The following TMED3 variants were observed in gnomAD, a reference collection of about 807,000 sequenced individuals.
TMED3 encodes the protein transmembrane p24 trafficking protein 3.
TMED3 carries 9 observed loss-of-function variants against 15.0 expected under a neutral mutation model. That is an observed-to-expected ratio of 0.60 (90% CI 0.36 to 1.04). The LOEUF (loss-of-function observed/expected upper bound fraction) is 1.04, where lower values mean the gene tolerates loss of function less well. Ranked by LOEUF, TMED3 falls within the 50% of genes least tolerant of loss-of-function variation. The pLI, the probability that TMED3 is intolerant of heterozygous loss-of-function variation, is 0.01. For synonymous variants in TMED3, 117 were observed against 121.4 expected, an observed-to-expected ratio of 0.96 and a Z score of 0.24; for missense variants, 267 against 278.9, an observed-to-expected ratio of 0.96 and a Z score of 0.30.
chr15:79,332,341 G>C (rs2058812416), intron 2 of TMED3, among the ~76,000 whole-genome samples: 1 of 152,254 alleles, frequency 6.6e-6, no homozygotes, highest in Non-Finnish European at 1.5e-5. Context: ...CTGTACAGCT[G>C]CTTCAAAACT....
chr15:79,378,293 G>C (rs1199173366), intron 2 of TMED3, among the ~76,000 whole-genome samples: 1 of 152,200 alleles, frequency 6.6e-6, no homozygotes, highest in Non-Finnish European at 1.5e-5. Flanking sequence ...AGGGATGGCT[G>C]TTTAAACAAA....
chr15:79,383,017 G>T (rs1483028002), intron 2 of TMED3: 1 of 1,535,464 alleles, frequency 6.5e-7, no homozygotes, highest in South Asian at 1.2e-5. Context: ...GTTCCAGTGT[G>T]ATCACCATCT....
intron 2 of TMED3, among the ~76,000 whole-genome samples, chr15:79,355,077 A>G (rs964514467): frequency 1.3e-5 from 2 of 152,186 alleles, no homozygotes; most frequent in African/African-American, 4.8e-5. Flanking sequence ...CCAGTAATAC[A>G]GGAAGTAAGC....
Position 79,322,570 on chromosome 15 carries a change from T to A in TMED3, c.*356T>A, listed in dbSNP as rs2058772641. The A allele has an allele frequency of 9.3e-7, 1 of 1,077,734 alleles. No homozygotes were observed. The highest frequency in any genetic ancestry group is 1.1e-6 in the Non-Finnish European group (1 of 889,142). The allele number at this position is 1,077,734 out of a possible 1,614,324, so 66.8% of individuals were successfully genotyped here. ...GGCAGCTTAGGGCCCTGCCTCTGTT[T>A]CATGATGCATGGGTCATTTGTCTTG... On this transcript the variant is annotated 3_prime_UTR_variant, in exon 3 of 3. Transcript: ENST00000299705.
chr15:79,338,565 A>G (rs1040727389), intron 2 of TMED3, among the ~76,000 whole-genome samples: 7 of 152,338 alleles, frequency 4.6e-5, no homozygotes, highest in African/African-American at 1.7e-4. Flanking sequence ...TAAAATAAGA[A>G]TAGTTATACC....
chr15:79,334,636 A>C (rs1216033358), intron 2 of TMED3, among the ~76,000 whole-genome samples: 2 of 152,210 alleles, frequency 1.3e-5, no homozygotes, highest in Non-Finnish European at 2.9e-5. Flanking sequence ...CTCTTCAGCA[A>C]ATCAGTGACC....
intron 2 of TMED3, among the ~76,000 whole-genome samples, chr15:79,370,951 T>C (rs1893327351): frequency 6.6e-6 from 1 of 152,182 alleles, no homozygotes; most frequent in Non-Finnish European, 1.5e-5. Context: ...CAGTCACAGT[T>C]TGTGTGAAAG....
intron 2 of TMED3, among the ~76,000 whole-genome samples, chr15:79,335,140 C>A (rs1486261977): frequency 6.6e-6 from 1 of 152,048 alleles, no homozygotes; most frequent in Non-Finnish European, 1.5e-5. Context: ...AAGAAGAAAA[C>A]AGAACAATTT....
At chr15:79,336,432 TG>T (rs1258225047) in intron 2 of TMED3, among the ~76,000 whole-genome samples, 17 of 151,962 alleles carry the variant, frequency 1.1e-4, no homozygotes, top group African/African-American at 4.1e-4. Flanking sequence ...CCGAGGTGGG[TG>T]GATCATTTGA....
At chr15:79,402,675 T>A (rs1176983609) in intron 2 of TMED3, among the ~76,000 whole-genome samples, 1 of 152,096 alleles carries the variant, frequency 6.6e-6, no homozygotes, top group Non-Finnish European at 1.5e-5. Context: ...TTATCCCAGC[T>A]ACTTGGGAGG....
intron 2 of TMED3, among the ~76,000 whole-genome samples, chr15:79,353,597 C>CAG (rs2058906863): frequency 6.7e-6 from 1 of 149,866 alleles, no homozygotes. Flanking sequence ...CACACACACA[C>CAG]ACACACACAC....
At chr15:79,385,067 G>T (rs975708128) in intron 2 of TMED3, among the ~76,000 whole-genome samples, 2 of 152,186 alleles carry the variant, frequency 1.3e-5, no homozygotes, top group African/African-American at 4.8e-5. Context: ...GAGTGACACA[G>T]AGCTAAGGGA....
In TMED3 at chr15:79,329,019, T is replaced by C. The variant is rs148390486; in HGVS notation, c.417+15014T>C. On this transcript the variant is annotated intron_variant, in intron 2 of 2. Coordinates refer to the TMED3 transcript ENST00000424155. ...TGTCTGGGTGGAATCCAGTCCTCCT[T>C]GTCCTCCCCTTTTTAATACCTAGGG... Among the ~76,000 whole-genome samples, 1,255 of 152,344 alleles carry C rather than the reference T, an allele frequency of 8.2e-3. 7 individuals carry two copies. The highest frequency in any genetic ancestry group is 0.014 in the Non-Finnish European group (935 of 68,026).
intron 2 of TMED3, among the ~76,000 whole-genome samples, chr15:79,316,430 T>A (rs1483377707): frequency 6.6e-6 from 1 of 152,202 alleles, no homozygotes; most frequent in African/African-American, 2.4e-5. Flanking sequence ...CCTGGTGATC[T>A]AGGAAGGATT....
At chr15:79,326,634 C>T (rs1034444954), downstream of TMED3, among the ~76,000 whole-genome samples, 4 of 152,214 alleles carry the variant, frequency 2.6e-5, no homozygotes, top group Admixed American at 1.3e-4. Flanking sequence ...GGAACAATCA[C>T]TTGTTGCAGA....
At chr15:79,345,545 T>C (rs1004289326) in intron 2 of TMED3, among the ~76,000 whole-genome samples, 4 of 152,206 alleles carry the variant, frequency 2.6e-5, no homozygotes, top group Admixed American at 2.0e-4. Context: ...ATCCAGTCTA[T>C]TATTGGTGGG....
chr15:79,408,087 A>C (rs1395604593), intron 2 of TMED3, among the ~76,000 whole-genome samples: 1 of 152,240 alleles, frequency 6.6e-6, no homozygotes, highest in Admixed American at 6.5e-5. Flanking sequence ...AATGTGCTAT[A>C]AAAATGGGAG....
chr15:79,323,338 C>T (rs980862081), downstream of TMED3, among the ~76,000 whole-genome samples: 8 of 152,152 alleles, frequency 5.3e-5, no homozygotes, highest in African/African-American at 1.4e-4. Context: ...GTCTGACAGG[C>T]GTTAATGCAT....
rs1440703693 is a variant in TMED3, at chr15:79,373,439, C to A, written c.418-37961C>A. ...CCATCCTTCAGTGAATTTCCCTCGC[C>A]TCCCAACAGTAGTTTATCATCTATC... On this transcript the variant is annotated intron_variant, in intron 2 of 2. Transcript: ENST00000424155. Among the ~76,000 whole-genome samples the A allele has an allele frequency of 2.0e-5, 3 of 152,190 alleles. 1 individual carries two copies. Among genetic ancestry groups the A allele is most frequent in the Non-Finnish European group, 4.4e-5 (3 of 68,040 alleles).
Sources: gnomAD v4.1 joint callset for allele counts (sites outside exome capture counted in the v4.1 genomes callset) on GRCh38, gnomAD v4.1.1 for gene constraint, MANE v1.5 for transcripts, NCBI Gene and HGNC (gene_info 2026-07-23, HGNC 2026-07-21) for gene names.